The following QSER1 variants were observed in gnomAD, a reference collection of about 807,000 sequenced individuals.
QSER1 encodes glutamine and serine-rich protein 1.
QSER1 carries 49 observed loss-of-function variants against 158.5 expected under a neutral mutation model. The observed-to-expected ratio is 0.31, with a 90% CI of 0.25 to 0.39. The LOEUF (loss-of-function observed/expected upper bound fraction) is 0.39. Among genes scored for constraint, QSER1 ranks in the 10% least tolerant of loss-of-function variants. The probability of loss-of-function intolerance (pLI) is 1.00; values close to 1 mark genes in which losing one functional copy is unlikely to be tolerated. For missense variants in QSER1, 1,754 were observed against 2,010.3 expected, an observed-to-expected ratio of 0.87 and a Z score of 2.44; for synonymous variants, 650 against 715.5, an observed-to-expected ratio of 0.91 and a Z score of 1.46.
intron 1 of QSER1, among the ~76,000 whole-genome samples, chr11:32,913,475 G>A (rs746301497): frequency 2.6e-5 from 4 of 151,834 alleles, no homozygotes; most frequent in African/African-American, 7.3e-5. Context: ...TTACAGGTGC[G>A]AGCTACCGCA....
chr11:32,972,594 C>A (rs1284467564), intron 10 of QSER1, among the ~76,000 whole-genome samples: 1 of 152,004 alleles, frequency 6.6e-6, no homozygotes, highest in Admixed American at 6.6e-5. Context: ...CACCACCTCA[C>A]CCAGCTAATT....
intron 4 of QSER1, among the ~76,000 whole-genome samples, chr11:32,952,968 A>T (rs1051269703): frequency 6.6e-6 from 1 of 151,702 alleles, no homozygotes; most frequent in Non-Finnish European, 1.5e-5. Context: ...ACGCCCAGCT[A>T]ATTTTTGTAT....
At chr11:32,950,862 T>C (rs1269501746) in intron 4 of QSER1, among the ~76,000 whole-genome samples, 1 of 152,260 alleles carries the variant, frequency 6.6e-6, no homozygotes, top group Non-Finnish European at 1.5e-5. Flanking sequence ...CTGATTCCTT[T>C]TTATTCCCTA....
At chr11:32,963,553 A>T (rs373396554) in intron 8 of QSER1, among the ~76,000 whole-genome samples, 1 of 151,908 alleles carries the variant, frequency 6.6e-6, no homozygotes, top group Non-Finnish European at 1.5e-5. Flanking sequence ...GGGTTTCACT[A>T]TGTTGGCCAG....
chr11:32,925,510 AT>A (rs1304711182), intron 1 of QSER1, among the ~76,000 whole-genome samples: 2 of 142,330 alleles, frequency 1.4e-5, no homozygotes, highest in African/African-American at 5.0e-5. Context: ...TTATTTATTT[AT>A]TTATTTATTT....
At chr11:32,941,099 G>A (rs1185354740) in intron 4 of QSER1, among the ~76,000 whole-genome samples, 1 of 151,582 alleles carries the variant, frequency 6.6e-6, no homozygotes, top group Non-Finnish European at 1.5e-5. Context: ...AGTTTATAAT[G>A]CTCTCACTTT....
intron 4 of QSER1, among the ~76,000 whole-genome samples, chr11:32,946,914 C>T (rs185188151): frequency 0.02 from 2,972 of 151,792 alleles, 40 homozygotes; most frequent in South Asian, 0.038. Context: ...AAGCCAGGTG[C>T]GGGATATAAT....
At chr11:32,958,473 G>A (rs953511462) in intron 8 of QSER1, among the ~76,000 whole-genome samples, 7 of 151,754 alleles carry the variant, frequency 4.6e-5, no homozygotes, top group African/African-American at 1.5e-4. Context: ...CTGCAGCCTC[G>A]AACACCTGGG....
chr11:32,916,903 C>T (rs1290561108), intron 1 of QSER1, among the ~76,000 whole-genome samples: 5 of 152,106 alleles, frequency 3.3e-5, no homozygotes, highest in Non-Finnish European at 7.4e-5. Flanking sequence ...TCTCCTGCCT[C>T]AGCCTCCTGA....
chr11:32,953,259 T>TC (rs1170997853), intron 4 of QSER1, among the ~76,000 whole-genome samples: 1 of 151,890 alleles, frequency 6.6e-6, no homozygotes, highest in Non-Finnish European at 1.5e-5. Context: ...TTTTTTTTTT[T>TC]CCCACATGTA....
rs772657117 is a variant in QSER1 at position 32,932,556 on chromosome 11, T to G, written c.1298T>G (p.Val433Gly). 71 of 1,614,050 alleles carry G rather than the reference T, an allele frequency of 4.4e-5. No individual in the cohort carries two copies. The highest frequency in any genetic ancestry group is 5.8e-5 in the Non-Finnish European group (68 of 1,180,002). Reference sequence around the variant, plus strand: ...AAACCTCAAAGTATAATTCCTCCTGTGCAAACACTAAGCTATTCCAAACCT... The same window carrying G: ...AAACCTCAAAGTATAATTCCTCCTGGGCAAACACTAAGCTATTCCAAACCT... Reference protein sequence around the residue: ...TPKPQSIIPPVQTLSYSKPLH... With the variant: ...TPKPQSIIPPGQTLSYSKPLH... Residue 433 changes from valine (V) to glycine (G), a missense_variant, in exon 4 of 13, where the codon GTG (valine) becomes GGG (glycine). Val to Gly is a moderately radical substitution (Grantham distance 109, BLOSUM62 -3). Coordinates refer to ENST00000650167, the MANE Select transcript of QSER1 (RefSeq NM_001076786.3).
rs1253164989 is a variant in QSER1 at position 32,893,545 on chromosome 11, C to T, written c.209+211C>T. ...CCGGTGCAGGATTCGCGCCTGGGGA[C>T]GGCGGGTGAAGGAATAGCTGGGCGG... On this transcript the variant is annotated intron_variant, in intron 1 of 12. Transcript: ENST00000650167. The surrounding 1 kb of genome is among the most constrained non-coding windows in gnomAD (Gnocchi z 4.7). Among the ~76,000 whole-genome samples the T allele has an allele frequency of 6.6e-6, 1 of 152,070 alleles. No homozygotes were observed. Among genetic ancestry groups the T allele is most frequent in the African/African-American group, 2.4e-5 (1 of 41,408 alleles).
Position 32,934,902 on chromosome 11 carries a change from A to G in QSER1, c.3644A>G (p.Asp1215Gly). 1 of 1,613,858 alleles carries G rather than the reference A, an allele frequency of 6.2e-7. No individual in the cohort carries two copies. Among genetic ancestry groups the G allele is most frequent in the Non-Finnish European group, 8.5e-7 (1 of 1,179,976 alleles). ...AKGKGQVKEEDNSNQKQLKRP... is the reference protein window; with the variant it reads ...AKGKGQVKEEGNSNQKQLKRP... ...GGAAAAGGGCAAGTTAAAGAGGAAGACAACAGTAATCAGAAACAGCTGAAA... is the reference window on the plus strand; with the variant it reads ...GGAAAAGGGCAAGTTAAAGAGGAAGGCAACAGTAATCAGAAACAGCTGAAA... The change falls in exon 4 of 13, where the codon GAC (aspartate) becomes GGC (glycine). Residue 1215 changes from aspartate to glycine, a missense_variant. Coordinates refer to ENST00000650167, the MANE Select transcript of QSER1 (RefSeq NM_001076786.3).
rs904754350 is a variant in QSER1 at position 32,957,796 on chromosome 11, C to T, written c.4752-73C>T. ...TTAGATAATCTTCTCCTGTGATTCT[C>T]TTTTATTTTTCTATTTTATTTTAGT... On this transcript the variant is annotated intron_variant, in intron 7 of 12. Coordinates refer to ENST00000650167, the MANE Select transcript of QSER1 (RefSeq NM_001076786.3). 20 of 1,231,660 alleles carry T rather than the reference C, an allele frequency of 1.6e-5. No homozygotes were observed. In the African/African-American group the frequency reaches 2.8e-4, roughly 17 times the overall value. 76.3% of individuals were successfully genotyped at this position (1,231,660 alleles called of 1,614,324 possible).
chr11:32,935,530 G>A (rs929591359), intron 4 of QSER1, 95 bp downstream of exon 4: 2 of 919,428 alleles, frequency 2.2e-6, no homozygotes, highest in Non-Finnish European at 3.2e-6. Flanking sequence ...AAGCAGGTCT[G>A]CAAGTACATT....
intron 1 of QSER1, among the ~76,000 whole-genome samples, chr11:32,900,897 T>C (rs1851616238): frequency 6.6e-6 from 1 of 152,214 alleles, no homozygotes; most frequent in Non-Finnish European, 1.5e-5. Flanking sequence ...CAGTTTTACC[T>C]CTTCAGAGCA....
chr11:32,896,864 T>C (rs1851562435), intron 1 of QSER1, among the ~76,000 whole-genome samples: 1 of 152,228 alleles, frequency 6.6e-6, no homozygotes, highest in African/African-American at 2.4e-5. Flanking sequence ...ATTTGTTTGA[T>C]ACATTTCAAA....
Position 32,973,467 on chromosome 11 carries a change from C to A in QSER1, c.5276C>A (p.Ala1759Asp), listed in dbSNP as rs1310263125. The change falls in exon 11 of 13, where the codon GCT becomes GAT. Residue 1759 changes from alanine (A) to aspartate (D), a missense_variant. Physicochemically the swap from Ala to Asp is moderately radical, Grantham distance 126. This residue lies in a region of QSER1 where 1,707 missense variants were observed against 1,919.6 expected (regional missense o/e 0.89). Coordinates refer to ENST00000650167, the MANE Select transcript of QSER1 (RefSeq NM_001076786.3). The part of the protein sequence containing the change: ...RDSKAKSGGT[A>D]ISKIKMNGKA... Reference sequence around the variant, plus strand: ...TCTAAAGCAAAGAGTGGAGGAACTGCTATTTCTAAAATCAAAATGAATGGC... The same window carrying A: ...TCTAAAGCAAAGAGTGGAGGAACTGATATTTCTAAAATCAAAATGAATGGC... 6.2e-7 allele frequency: 1 copy of A among 1,613,508 alleles called. No homozygotes were observed. The highest frequency in any genetic ancestry group is 1.1e-5 in the South Asian group (1 of 91,046).
intron 4 of QSER1, among the ~76,000 whole-genome samples, chr11:32,941,620 C>T (rs952286598): frequency 1.3e-5 from 2 of 152,092 alleles, no homozygotes; most frequent in African/African-American, 4.8e-5. Context: ...TTTTCTTAAT[C>T]CAGTCTATCA....
Sources: allele counts gnomAD v4.1 joint callset (sites outside exome capture counted in the v4.1 genomes callset), GRCh38; gene constraint gnomAD v4.1.1; regional missense constraint gnomAD v4.1.1; non-coding constraint Gnocchi (gnomAD v3.1); transcripts MANE v1.5; gene names NCBI Gene and HGNC (gene_info 2026-07-23, HGNC 2026-07-21).